Variants in RFPL1 observed in about 807,000 individuals in gnomAD.
RFPL1 encodes the protein ret finger protein-like 1.
Under a neutral mutation model 9.6 loss-of-function variants are expected in RFPL1, and 6 were observed. That is an observed-to-expected ratio of 0.62 (90% CI 0.34 to 1.23). The LOEUF is 1.23. Among genes scored for constraint, RFPL1 ranks in the 50% most tolerant of loss-of-function variants. RFPL1 has a pLI of 0.03. For missense variants in RFPL1, 352 were observed against 398.4 expected (o/e 0.88, Z 0.99); for synonymous variants, 145 against 149.4 (o/e 0.97, Z 0.22).
chr22:29,420,487 T>C, the RFPL1 span, among the ~76,000 whole-genome samples: 1 of 152,054 alleles, frequency 6.6e-6, no homozygotes, highest in Non-Finnish European at 1.5e-5. Flanking sequence ...CGTGCCGTCA[T>C]GCCTGGCTAA....
the RFPL1 span, among the ~76,000 whole-genome samples, chr22:29,397,776 C>T: frequency 5.3e-5 from 8 of 152,216 alleles, no homozygotes; most frequent in Admixed American, 6.5e-5. Context: ...TGAGTAGTGC[C>T]CACTTCTAGT....
the RFPL1 span, among the ~76,000 whole-genome samples, chr22:29,411,177 A>G: frequency 6.6e-6 from 1 of 152,174 alleles, no homozygotes; most frequent in Admixed American, 6.5e-5. Flanking sequence ...ATTTTGTACC[A>G]GGTACTGTGT....
chr22:29,433,463 C>T, the RFPL1 span: 1 of 154,748 alleles, frequency 6.5e-6, no homozygotes, highest in Non-Finnish European at 1.4e-5. Context: ...CGCCCCATCT[C>T]CTGCTGGGAA....
At chr22:29,442,110 G>C (rs778553314) in exon 2 of RFPL1, 2 of 1,543,090 alleles carry the variant, frequency 1.3e-6, no homozygotes, top group Admixed American at 2.1e-5. Context: ...TCCATCCTGG[G>C]GAGGCCAAAT....
chr22:29,426,731 G>A, the RFPL1 span, among the ~76,000 whole-genome samples: 1 of 152,130 alleles, frequency 6.6e-6, no homozygotes, highest in Non-Finnish European at 1.5e-5. Context: ...CAGGGTGATA[G>A]AGCAGACTCT....
the RFPL1 span, among the ~76,000 whole-genome samples, chr22:29,416,373 TA>T: frequency 1.3e-5 from 2 of 151,838 alleles, no homozygotes; most frequent in African/African-American, 4.8e-5. Context: ...GAGGGGGGCA[TA>T]GGGGGTCCTA....
chr22:29,424,942 C>T, the RFPL1 span, among the ~76,000 whole-genome samples: 16 of 151,132 alleles, frequency 1.1e-4, no homozygotes, highest in Non-Finnish European at 1.3e-4. Context: ...CGGTGGCTCA[C>T]GCCTGTAATC....
the RFPL1 span, among the ~76,000 whole-genome samples, chr22:29,408,801 T>C: frequency 6.6e-6 from 1 of 152,174 alleles, no homozygotes; most frequent in Non-Finnish European, 1.5e-5. Context: ...AGTAGCAACC[T>C]TTTCTCCTTG....
chr22:29,410,607 A>C, the RFPL1 span, among the ~76,000 whole-genome samples: 5 of 114,404 alleles, frequency 4.4e-5, no homozygotes, highest in South Asian at 6.1e-4. Context: ...ATATATATAG[A>C]TATATCTATC....
At chr22:29,433,505 C>T in the RFPL1 span, 1 of 173,866 alleles carries the variant, frequency 5.8e-6, no homozygotes, top group Non-Finnish European at 1.2e-5. Flanking sequence ...AAGTGGAGCC[C>T]CAGCTGAGAA....
the RFPL1 span, among the ~76,000 whole-genome samples, chr22:29,391,560 T>C: frequency 9.9e-5 from 15 of 152,282 alleles, no homozygotes; most frequent in Admixed American, 1.3e-4. Flanking sequence ...GGAGAGCTTA[T>C]GTGCAAGTGG....
intron 1 of RFPL1, chr22:29,439,692 G>A (rs2146366454): frequency 6.5e-6 from 1 of 154,678 alleles, no homozygotes; most frequent in Non-Finnish European, 1.4e-5. Flanking sequence ...TAAACTTAGT[G>A]TGCTCAGATT....
At chr22:29,429,418 A>G in the RFPL1 span, among the ~76,000 whole-genome samples, 94,348 of 151,762 alleles carry the variant, frequency 0.62, 32,467 homozygotes, top group Non-Finnish European at 0.79. Context: ...AACTAAGAAA[A>G]AAGAAGAAGA....
chr22:29,413,126 C>T, the RFPL1 span, among the ~76,000 whole-genome samples: 5 of 151,672 alleles, frequency 3.3e-5, no homozygotes, highest in African/African-American at 9.7e-5. Context: ...TTGTCTTCCT[C>T]ATTTCTGGAT....
At chr22:29,405,041 CT>C in the RFPL1 span, among the ~76,000 whole-genome samples, 1 of 152,052 alleles carries the variant, frequency 6.6e-6, no homozygotes, top group Non-Finnish European at 1.5e-5. Context: ...AGAAATGTTC[CT>C]AAAACTCTGA....
chr22:29,408,149 G>T, the RFPL1 span, among the ~76,000 whole-genome samples: 1 of 152,194 alleles, frequency 6.6e-6, no homozygotes, highest in African/African-American at 2.4e-5. Flanking sequence ...TAGATCCACA[G>T]AAGTTAAATG....
chr22:29,439,205 C>A, intron 1 of RFPL1, 41 bp downstream of exon 1: 1 of 1,579,498 alleles, frequency 6.3e-7, no homozygotes, highest in Non-Finnish European at 8.6e-7. Flanking sequence ...TACGACCAGA[C>A]CAGGAAAAAT....
At chr22:29,395,686 C>A in the RFPL1 span, among the ~76,000 whole-genome samples, 1 of 152,172 alleles carries the variant, frequency 6.6e-6, no homozygotes, top group African/African-American at 2.4e-5. Flanking sequence ...AAAGCCCAGG[C>A]TCTCAGATGG....
At chr22:29,390,818 TGG>T in the RFPL1 span, among the ~76,000 whole-genome samples, 1 of 151,290 alleles carries the variant, frequency 6.6e-6, no homozygotes, top group Middle Eastern at 3.2e-3. Context: ...CAGGATGGTC[TGG>T]CTCTCCTGAC....
Sources: gnomAD v4.1 joint callset for allele counts (sites outside exome capture counted in the v4.1 genomes callset) on GRCh38, gnomAD v4.1.1 for gene constraint, MANE v1.5 for transcripts, NCBI Gene and HGNC (gene_info 2026-07-23, HGNC 2026-07-21) for gene names.